Variants in CNTNAP4 observed in about 807,000 individuals in gnomAD.
CNTNAP4 encodes the protein contactin associated protein family member 4.
Under a neutral mutation model 148.4 loss-of-function variants are expected in CNTNAP4, and 98 were observed. The ratio of observed to expected loss-of-function variants is 0.66; its 90% CI spans 0.56 to 0.78. CNTNAP4 has a LOEUF of 0.78. Among genes scored for constraint, CNTNAP4 ranks in the 30% least tolerant of loss-of-function variants. The pLI is 0.00. For missense variants in CNTNAP4, 1,935 were observed against 1,565.6 expected (o/e 1.24, Z -3.98); for synonymous variants, 730 against 565.1 (o/e 1.29, Z -4.14).
At chr16:76,351,992 C>T (rs922314781) in intron 2 of CNTNAP4, among the ~76,000 whole-genome samples, 4 of 152,104 alleles carry the variant, frequency 2.6e-5, no homozygotes, top group Non-Finnish European at 5.9e-5. Flanking sequence ...TAGACCATTA[C>T]AATTAACTAG....
chr16:76,522,989 T>G (rs945975314), intron 17 of CNTNAP4, among the ~76,000 whole-genome samples: 3 of 151,922 alleles, frequency 2.0e-5, no homozygotes, highest in Non-Finnish European at 4.4e-5. Context: ...GGTCTTGAAC[T>G]CCTGACCTCA....
chr16:76,512,378 C>G (rs1597786849), intron 15 of CNTNAP4, among the ~76,000 whole-genome samples: 1 of 151,958 alleles, frequency 6.6e-6, no homozygotes, highest in Admixed American at 6.6e-5. Flanking sequence ...GTAGCTTGAG[C>G]CATGGGTGCA....
At chr16:76,467,730 A>G (rs990626689) in intron 10 of CNTNAP4, among the ~76,000 whole-genome samples, 5 of 152,210 alleles carry the variant, frequency 3.3e-5, no homozygotes, top group African/African-American at 9.6e-5. Context: ...AGACTTGGCC[A>G]TGTTATGTAT....
At chr16:76,311,093 C>T (rs1030813921) in intron 1 of CNTNAP4, among the ~76,000 whole-genome samples, 1 of 151,904 alleles carries the variant, frequency 6.6e-6, no homozygotes, top group African/African-American at 2.4e-5. Flanking sequence ...TAATATATAC[C>T]TATTATCTTA....
At chr16:76,527,048 G>A (rs577166520) in intron 17 of CNTNAP4, among the ~76,000 whole-genome samples, 2 of 152,206 alleles carry the variant, frequency 1.3e-5, no homozygotes, top group South Asian at 2.1e-4. Flanking sequence ...GATTAAAGCT[G>A]TTTCCTGGCT....
Position 76,374,989 on chromosome 16 carries a change from G to T in CNTNAP4, c.390+19478G>T, listed in dbSNP as rs530498245. ...TCACCATGTTGGCCAGGCTGGTCTC[G>T]AACTCCTGACCTCAGGTGATCTGCC... On this transcript the variant is annotated intron_variant, in intron 3 of 23. Coordinates refer to ENST00000611870, the MANE Select transcript of CNTNAP4 (RefSeq NM_033401.5). Among the ~76,000 whole-genome samples the T allele has an allele frequency of 1.1e-3, 167 of 151,894 alleles. 2 individuals carry two copies. The highest frequency in any genetic ancestry group is 5.2e-4 in the Admixed American group (8 of 15,262).
chr16:76,503,782 G>C (rs2082738773), intron 15 of CNTNAP4, among the ~76,000 whole-genome samples: 1 of 150,340 alleles, frequency 6.7e-6, no homozygotes, highest in Admixed American at 6.7e-5. Context: ...TGTGATGTTT[G>C]GTTTTTTGTC....
chr16:76,365,479 T>C (rs896095121), intron 3 of CNTNAP4, among the ~76,000 whole-genome samples: 1 of 152,062 alleles, frequency 6.6e-6, no homozygotes, highest in Admixed American at 6.6e-5. Context: ...GGCCAGGCGT[T>C]GTGGCTCACA....
chr16:76,277,891 A>T (rs1312641207), intron 1 of CNTNAP4, 144 bp downstream of exon 1: 2 of 644,186 alleles, frequency 3.1e-6, no homozygotes, highest in African/African-American at 3.6e-5. Context: ...AATCTTGCCA[A>T]TGTGACCGGT....
chr16:76,470,482 A>AATATATATATATATATATATATATATAT lies in CNTNAP4; in HGVS notation c.1655+2974_1655+2975insTATATATATATATATATATATATATATA, dbSNP rs67354977. Among the ~76,000 whole-genome samples the AATATATATATATATATATATATATATAT allele has an allele frequency of 1.7e-3, 167 of 96,914 alleles. 4 individuals are homozygous for AATATATATATATATATATATATATATAT. Among genetic ancestry groups the AATATATATATATATATATATATATATAT allele is most frequent in the East Asian group, 5.7e-3 (20 of 3,484 alleles). 63.6% of individuals were successfully genotyped at this position (96,914 alleles called of 152,430 possible). On this transcript the variant is annotated intron_variant, in intron 10 of 23. Transcript: ENST00000611870. ...ATAGCAAAACCACGTCTCTACTAAT[A>AATATATATATATATATATATATATATAT]ATATATATATATATAAAATTAGTCG...
At chr16:76,294,680 T>C (rs1392058072) in intron 1 of CNTNAP4, among the ~76,000 whole-genome samples, 1 of 152,228 alleles carries the variant, frequency 6.6e-6, no homozygotes, top group African/African-American at 2.4e-5. Flanking sequence ...TCTATTAAAG[T>C]GTTCCAAAAC....
intron 13 of CNTNAP4, among the ~76,000 whole-genome samples, chr16:76,491,898 G>C (rs2082237365): frequency 6.6e-6 from 1 of 151,990 alleles, no homozygotes; most frequent in African/African-American, 2.4e-5. Context: ...ATTCATCAAT[G>C]GACACTTAGG....
intron 15 of CNTNAP4, among the ~76,000 whole-genome samples, chr16:76,516,642 A>T (rs1214296482): frequency 2.0e-5 from 3 of 152,242 alleles, no homozygotes; most frequent in Admixed American, 2.0e-4. Context: ...AATAGCTGAA[A>T]GCTACGTAGG....
At chr16:76,334,314 A>G (rs951872411) in intron 2 of CNTNAP4, among the ~76,000 whole-genome samples, 2 of 152,142 alleles carry the variant, frequency 1.3e-5, no homozygotes, top group African/African-American at 4.8e-5. Context: ...AAAAAAGCCA[A>G]AATGAAACAA....
intron 4 of CNTNAP4, among the ~76,000 whole-genome samples, chr16:76,444,146 C>T (rs563901120): frequency 2.4e-4 from 36 of 152,160 alleles, no homozygotes; most frequent in African/African-American, 8.4e-4. Flanking sequence ...AATAATATTA[C>T]TAGGTAGATA....
intron 8 of CNTNAP4, among the ~76,000 whole-genome samples, chr16:76,454,365 A>G (rs866316030): frequency 1.3e-5 from 2 of 152,156 alleles, no homozygotes; most frequent in South Asian, 4.1e-4. Context: ...ACAAGCATGT[A>G]TAGTTAATAT....
chr16:76,450,726 G>A (rs1242265136), intron 7 of CNTNAP4, among the ~76,000 whole-genome samples: 1 of 152,176 alleles, frequency 6.6e-6, no homozygotes, highest in East Asian at 1.9e-4. Context: ...GGCAATGTTG[G>A]TCAGACTGCA....
intron 3 of CNTNAP4, among the ~76,000 whole-genome samples, chr16:76,426,972 T>C (rs2079427244): frequency 6.6e-6 from 1 of 152,218 alleles, no homozygotes; most frequent in Non-Finnish European, 1.5e-5. Flanking sequence ...GTGGTACTTT[T>C]CTTTATGTTA....
intron 3 of CNTNAP4, among the ~76,000 whole-genome samples, chr16:76,381,515 G>C (rs1253238661): frequency 6.6e-6 from 1 of 152,112 alleles, no homozygotes; most frequent in Non-Finnish European, 1.5e-5. Context: ...GGATGTCTAG[G>C]ACTCAGCTTC....
Sources: gnomAD v4.1 joint callset for allele counts (sites outside exome capture counted in the v4.1 genomes callset) on GRCh38, gnomAD v4.1.1 for gene constraint, MANE v1.5 for transcripts, NCBI Gene and HGNC (gene_info 2026-07-23, HGNC 2026-07-21) for gene names.